Variants in ADCY8 observed in about 807,000 individuals in gnomAD.
ADCY8 encodes the protein adenylate cyclase type 8.
Under a neutral mutation model 119.7 loss-of-function variants are expected in ADCY8, and 51 were observed. That is an observed-to-expected ratio of 0.43 (90% CI 0.34 to 0.54). The LOEUF (loss-of-function observed/expected upper bound fraction) is 0.54, where lower values mean the gene tolerates loss of function less well. Among genes scored for constraint, ADCY8 ranks in the 20% least tolerant of loss-of-function variants. ADCY8 has a pLI of 0.03. For synonymous variants in ADCY8, 665 were observed against 651.0 expected, an observed-to-expected ratio of 1.02 and a Z score of -0.33; for missense variants, 1,383 against 1,598.8, an observed-to-expected ratio of 0.87 and a Z score of 2.30.
At chr8:130,855,739 C>T (rs1357646447) in intron 9 of ADCY8, among the ~76,000 whole-genome samples, 1 of 152,138 alleles carries the variant, frequency 6.6e-6, no homozygotes, top group African/African-American at 2.4e-5. Flanking sequence ...CACATCCAGC[C>T]AGTCACTGTG....
chr8:130,791,678 C>G (rs1815429763), intron 15 of ADCY8, among the ~76,000 whole-genome samples: 1 of 152,198 alleles, frequency 6.6e-6, no homozygotes, highest in Non-Finnish European at 1.5e-5. Flanking sequence ...TAGTGCACAC[C>G]TGCTTCTACA....
intron 1 of ADCY8, among the ~76,000 whole-genome samples, chr8:130,993,785 C>A (rs1257911778): frequency 6.6e-6 from 1 of 152,112 alleles, no homozygotes; most frequent in Non-Finnish European, 1.5e-5. Context: ...TATAAATTAC[C>A]CAGTCTCAGG....
In ADCY8 at chr8:131,005,669, C is replaced by T. The variant is rs147599212; in HGVS notation, c.961-15127G>A. Among the ~76,000 whole-genome samples, 599 of 152,236 alleles carry T rather than the reference C, an allele frequency of 3.9e-3. 1 individual carries two copies. The highest frequency in any genetic ancestry group is 0.011 in the South Asian group (54 of 4,820). On this transcript the variant is annotated intron_variant, in intron 1 of 17. Coordinates refer to ENST00000286355, the MANE Select transcript of ADCY8 (RefSeq NM_001115.3). ...AAGAGGAAGACAGAAAAATCAGGAA[C>T]GAGAGAGAGCAAGATCTGGGGCAAT...
chr8:130,782,523 T>C (rs1249626795), intron 17 of ADCY8, among the ~76,000 whole-genome samples: 4 of 152,238 alleles, frequency 2.6e-5, no homozygotes, highest in Admixed American at 1.3e-4. Context: ...AGTGAAACTA[T>C]ACTACGAGTG....
intron 2 of ADCY8, among the ~76,000 whole-genome samples, chr8:130,963,005 A>G (rs927756936): frequency 1.3e-5 from 2 of 152,216 alleles, no homozygotes; most frequent in Admixed American, 6.5e-5. Flanking sequence ...TTTTCATTCC[A>G]TTATACGTAT....
intron 17 of ADCY8, among the ~76,000 whole-genome samples, chr8:130,781,248 C>G (rs1450269155): frequency 1.3e-5 from 2 of 152,146 alleles, no homozygotes; most frequent in African/African-American, 4.8e-5. Context: ...GAAGTCAGGA[C>G]CCTAGGATCT....
chr8:130,947,453 T>C (rs1389077463), intron 3 of ADCY8, among the ~76,000 whole-genome samples: 1 of 152,206 alleles, frequency 6.6e-6, no homozygotes, highest in Non-Finnish European at 1.5e-5. Flanking sequence ...ATATAACCTC[T>C]TTGGGAAGTT....
intron 14 of ADCY8, among the ~76,000 whole-genome samples, chr8:130,813,696 C>T (rs1295102240): frequency 3.3e-5 from 5 of 152,082 alleles, no homozygotes; most frequent in Non-Finnish European, 5.9e-5. Context: ...TCTAGATATA[C>T]AAATATGTCT....
At chr8:130,789,635 C>T (rs1332133760) in intron 15 of ADCY8, among the ~76,000 whole-genome samples, 1 of 152,112 alleles carries the variant, frequency 6.6e-6, no homozygotes, top group Non-Finnish European at 1.5e-5. Flanking sequence ...TATTTTGTCC[C>T]CATTTTATAT....
chr8:131,009,307 C>T (rs1823226013), intron 1 of ADCY8, among the ~76,000 whole-genome samples: 1 of 152,162 alleles, frequency 6.6e-6, no homozygotes, highest in Non-Finnish European at 1.5e-5. Context: ...CGCTCTGAGC[C>T]CCAGTCATGG....
chr8:130,847,768 T>G (rs1156817967), intron 10 of ADCY8, among the ~76,000 whole-genome samples: 1 of 152,178 alleles, frequency 6.6e-6, no homozygotes, highest in Admixed American at 6.5e-5. Flanking sequence ...AAGTTTAGAC[T>G]GCTCTGTTGG....
intron 3 of ADCY8, 35 bp from the exon 4 acceptor site, chr8:130,943,497 G>A (rs370281085): frequency 2.1e-4 from 103 of 491,196 alleles, no homozygotes; most frequent in Non-Finnish European, 3.0e-4. Context: ...GTGGGGGGAG[G>A]AAGTATATTA....
At chr8:130,934,773 A>C (rs1820736010) in intron 5 of ADCY8, among the ~76,000 whole-genome samples, 1 of 152,238 alleles carries the variant, frequency 6.6e-6, no homozygotes, top group Non-Finnish European at 1.5e-5. Flanking sequence ...GCATCTCTAC[A>C]GAAGACAGGG....
intron 1 of ADCY8, among the ~76,000 whole-genome samples, chr8:130,992,544 A>G (rs535599865): frequency 2.0e-5 from 3 of 151,396 alleles, no homozygotes; most frequent in Non-Finnish European, 4.4e-5. Context: ...CCTCCCGAGT[A>G]GCTGGGATTA....
intron 10 of ADCY8, among the ~76,000 whole-genome samples, chr8:130,849,311 C>G (rs2130313201): frequency 6.6e-6 from 1 of 152,236 alleles, no homozygotes; most frequent in South Asian, 2.1e-4. Context: ...TACATGGTAA[C>G]TCTTATTTAT....
chr8:131,014,620 C>G (rs1458141488), intron 1 of ADCY8, among the ~76,000 whole-genome samples: 1 of 152,118 alleles, frequency 6.6e-6, no homozygotes, highest in East Asian at 1.9e-4. Flanking sequence ...ATAGTGCTTG[C>G]AATTCTAGCC....
chr8:131,005,228 G>A (rs1420741325), intron 1 of ADCY8, among the ~76,000 whole-genome samples: 1 of 152,142 alleles, frequency 6.6e-6, no homozygotes, highest in Non-Finnish European at 1.5e-5. Flanking sequence ...TTCCTGGGTG[G>A]CTATAAAGGC....
intron 13 of ADCY8, among the ~76,000 whole-genome samples, chr8:130,820,507 T>C (rs752096952): frequency 6.6e-6 from 1 of 152,208 alleles, no homozygotes; most frequent in Non-Finnish European, 1.5e-5. Flanking sequence ...CGAACGTTCA[T>C]GGGTTGGAGT....
intron 5 of ADCY8, among the ~76,000 whole-genome samples, chr8:130,921,151 T>C (rs1470475153): frequency 6.6e-6 from 1 of 152,234 alleles, no homozygotes; most frequent in African/African-American, 2.4e-5. Flanking sequence ...TATTCCCAAA[T>C]ATTAAAAAAT....
Sources: gnomAD v4.1 joint callset for allele counts (sites outside exome capture counted in the v4.1 genomes callset) on GRCh38, gnomAD v4.1.1 for gene constraint, MANE v1.5 for transcripts, NCBI Gene and HGNC (gene_info 2026-07-23, HGNC 2026-07-21) for gene names.